The following GRK3 variants were observed in gnomAD, a reference collection of about 807,000 sequenced individuals.
GRK3 encodes the protein G protein-coupled receptor kinase 3, also known as adrenergic, beta, receptor kinase 2.
GRK3 carries 54 observed loss-of-function variants against 95.7 expected under a neutral mutation model. The observed-to-expected ratio is 0.56, with a 90% CI of 0.45 to 0.71. The LOEUF (loss-of-function observed/expected upper bound fraction) is 0.71. GRK3 is among the 30% of genes least tolerant of loss of function. GRK3 has a pLI of 0.00. For missense variants in GRK3, 649 were observed against 851.2 expected (o/e 0.76, Z 2.96); for synonymous variants, 281 against 290.8 (o/e 0.97, Z 0.34).
intron 15 of GRK3, among the ~76,000 whole-genome samples, chr22:25,704,771 A>T (rs921702792): frequency 1.3e-5 from 2 of 152,208 alleles, no homozygotes; most frequent in African/African-American, 4.8e-5. Flanking sequence ...GATATTTTGT[A>T]GTCCATTTGT....
chr22:25,657,139 T>A (rs1283243381), intron 3 of GRK3, among the ~76,000 whole-genome samples: 2 of 152,198 alleles, frequency 1.3e-5, no homozygotes, highest in African/African-American at 4.8e-5. Flanking sequence ...ATTTACATTT[T>A]ATTCTAATGC....
At chr22:25,615,434 GT>G in intron 2 of GRK3, among the ~76,000 whole-genome samples, 1 of 152,214 alleles carries the variant, frequency 6.6e-6, no homozygotes, top group South Asian at 2.1e-4. Context: ...ATATCTTCTG[GT>G]TTTAGATTTT....
intron 2 of GRK3, among the ~76,000 whole-genome samples, chr22:25,636,882 C>T (rs564454616): frequency 3.3e-4 from 50 of 152,254 alleles, no homozygotes; most frequent in African/African-American, 1.1e-3. Flanking sequence ...GGTAAAGTTT[C>T]GTAGTCAACC....
intron 6 of GRK3, among the ~76,000 whole-genome samples, chr22:25,669,494 G>A (rs185649797): frequency 3.3e-5 from 5 of 152,264 alleles, no homozygotes; most frequent in African/African-American, 7.2e-5. Context: ...CATCCCAGGC[G>A]TTTCCATGTC....
intron 7 of GRK3, among the ~76,000 whole-genome samples, chr22:25,674,207 C>A (rs886085726): frequency 3.3e-5 from 5 of 152,148 alleles, no homozygotes; most frequent in African/African-American, 1.2e-4. Flanking sequence ...TTCCCTTGTG[C>A]CTCCATTTGG....
chr22:25,647,588 A>ACCTTTCAT, intron 3 of GRK3: 1 of 1,559,002 alleles, frequency 6.4e-7, no homozygotes, highest in Non-Finnish European at 8.8e-7. Context: ...ACTACAGAAG[A>ACCTTTCAT]CCTTTCATTT....
chr22:25,686,146 C>T (rs749763493), intron 10 of GRK3, among the ~76,000 whole-genome samples: 7 of 151,030 alleles, frequency 4.6e-5, no homozygotes, highest in African/African-American at 9.7e-5. Flanking sequence ...GGTGTGAACT[C>T]AGGAGGCGGA....
At chr22:25,623,521 G>A (rs538162138) in intron 2 of GRK3, among the ~76,000 whole-genome samples, 1 of 152,284 alleles carries the variant, frequency 6.6e-6, no homozygotes, top group African/African-American at 2.4e-5. Flanking sequence ...GTTTCATAAT[G>A]AGTGATTGTT....
At chr22:25,583,064 G>C (rs1225598486) in intron 1 of GRK3, among the ~76,000 whole-genome samples, 1 of 152,160 alleles carries the variant, frequency 6.6e-6, no homozygotes, top group African/African-American at 2.4e-5. Flanking sequence ...CTTAGATAGC[G>C]CATACTTACT....
intron 12 of GRK3, among the ~76,000 whole-genome samples, chr22:25,691,770 C>T (rs2085166537): frequency 6.6e-6 from 1 of 152,132 alleles, no homozygotes; most frequent in South Asian, 2.1e-4. Flanking sequence ...TATTTATTTC[C>T]TAGCAGGACC....
At chr22:25,685,401 C>T (rs1235033114) in intron 10 of GRK3, among the ~76,000 whole-genome samples, 153 bp downstream of exon 10, 1 of 152,216 alleles carries the variant, frequency 6.6e-6, no homozygotes, top group Non-Finnish European at 1.5e-5. Context: ...CTTTAATCTT[C>T]ACTGAAAATT....
chr22:25,611,829 GTCT>G (rs1201846068), intron 2 of GRK3, among the ~76,000 whole-genome samples: 3 of 138,018 alleles, frequency 2.2e-5, no homozygotes, highest in South Asian at 4.7e-4. Flanking sequence ...ATAGTTTAGT[GTCT>G]TTTTTTTTTT....
chr22:25,690,109 C>A, intron 11 of GRK3, 80 bp from the exon 12 acceptor site: 3 of 936,542 alleles, frequency 3.2e-6, no homozygotes, highest in South Asian at 1.5e-5. Context: ...AGTGAGATAT[C>A]AGGTGTCTGC....
chr22:25,710,712 T>C (rs531471990), intron 16 of GRK3, among the ~76,000 whole-genome samples: 1 of 152,314 alleles, frequency 6.6e-6, no homozygotes, highest in African/African-American at 2.4e-5. Context: ...CCATTGTCTG[T>C]TGTGGCTCCG....
chr22:25,590,077 A>G (rs544064235), intron 1 of GRK3, among the ~76,000 whole-genome samples: 1 of 152,158 alleles, frequency 6.6e-6, no homozygotes, highest in Admixed American at 6.5e-5. Flanking sequence ...CAGCCAAACC[A>G]TATCAAATAC....
chr22:25,594,051 G>A (rs1046590550), intron 1 of GRK3, among the ~76,000 whole-genome samples: 5 of 152,058 alleles, frequency 3.3e-5, no homozygotes, highest in African/African-American at 9.7e-5. Context: ...CTCTAGCTTT[G>A]TTCTTTTTTC....
At chr22:25,637,350 T>C (rs985842420) in intron 2 of GRK3, among the ~76,000 whole-genome samples, 1 of 152,218 alleles carries the variant, frequency 6.6e-6, no homozygotes, top group East Asian at 1.9e-4. Flanking sequence ...CCAATTCCTG[T>C]AAGTCTCCTC....
chr22:25,628,521 G>A (rs940760606), intron 2 of GRK3, among the ~76,000 whole-genome samples: 1 of 152,198 alleles, frequency 6.6e-6, no homozygotes, highest in Non-Finnish European at 1.5e-5. Flanking sequence ...AGAGAATCAA[G>A]TAGCTCCTCC....
chr22:25,673,352 G>A (rs1276143168), intron 7 of GRK3, among the ~76,000 whole-genome samples: 1 of 147,086 alleles, frequency 6.8e-6, no homozygotes, highest in Non-Finnish European at 1.5e-5. Flanking sequence ...GTGAGCCACC[G>A]CGCCCAGCAG....
Sources: gnomAD v4.1 joint callset for allele counts (sites outside exome capture counted in the v4.1 genomes callset) on GRCh38, gnomAD v4.1.1 for gene constraint, MANE v1.5 for transcripts, NCBI Gene and HGNC (gene_info 2026-07-23, HGNC 2026-07-21) for gene names.